CLVS1: variants seen among roughly 807,000 people sequenced by gnomAD.
CLVS1 encodes the protein clavesin-1.
Under a neutral mutation model 33.1 loss-of-function variants are expected in CLVS1, and 10 were observed. The ratio of observed to expected loss-of-function variants is 0.30; its 90% confidence interval spans 0.19 to 0.51. The LOEUF (loss-of-function observed/expected upper bound fraction) is 0.51. CLVS1 is among the 20% of genes least tolerant of loss of function. The pLI is 0.97. For missense variants in CLVS1, 343 were observed against 433.4 expected, an observed-to-expected ratio of 0.79 and a Z score of 1.85; for synonymous variants, 163 against 166.1, an observed-to-expected ratio of 0.98 and a Z score of 0.14.
chr8:61,300,135 T>G lies in CLVS1; in HGVS notation c.308T>G (p.Leu103Arg), dbSNP rs1810375771. The G allele has an allele frequency of 6.2e-7, 1 of 1,613,914 alleles. No homozygotes were observed. Among genetic ancestry groups the G allele is most frequent in the Non-Finnish European group, 8.5e-7 (1 of 1,179,970 alleles). The change falls in exon 2 of 6, where the codon CTA (leucine) becomes CGA (arginine). Residue 103 changes from leucine (L) to arginine (R), a missense_variant. Physicochemically the swap from Leu to Arg is moderately radical, Grantham distance 102. Coordinates refer to ENST00000325897, the MANE Select transcript of CLVS1 (RefSeq NM_173519.3). ...LLAQYFQYRQ[L>R]NLDMFKNFKA... ...GCTCAGTATTTCCAGTACCGCCAGC[T>G]AAACCTGGACATGTTCAAAAACTTC...
chr8:61,268,478 C>T (rs1451883421), intron 2 of CLVS1, among the ~76,000 whole-genome samples: 4 of 151,348 alleles, frequency 2.6e-5, no homozygotes, highest in African/African-American at 7.3e-5. Context: ...AATAAACATA[C>T]GTGTGCATGT....
chr8:61,434,670 C>A lies in CLVS1; in HGVS notation c.631-19471C>A, dbSNP rs183118304. Among the ~76,000 whole-genome samples the A allele has an allele frequency of 8.5e-5, 13 of 152,196 alleles. 1 individual carries two copies. In the East Asian group the frequency reaches 2.5e-3, roughly 29 times the overall value. ...CAGTTGGTTGAGTTTATCTGAAGAG[C>A]TGAGATTAATGGAAAGGAATGCTCA... On this transcript the variant is annotated intron_variant, in intron 3 of 5. Coordinates refer to ENST00000325897, the MANE Select transcript of CLVS1 (RefSeq NM_173519.3).
intron 3 of CLVS1, among the ~76,000 whole-genome samples, chr8:61,439,530 C>T (rs1816465564): frequency 6.6e-6 from 1 of 152,154 alleles, no homozygotes. Flanking sequence ...CTCATCTCAC[C>T]TGGGCAGCAA....
Position 61,456,445 on chromosome 8 carries a change from T to C in CLVS1, c.742-1862T>C, listed in dbSNP as rs575645812. ...AAAATTCAGTCATACTCAAGTGCAATATCAGAAATTTTGATATTTTGATAT... is the reference window on the plus strand; with the variant it reads ...AAAATTCAGTCATACTCAAGTGCAACATCAGAAATTTTGATATTTTGATAT... On this transcript the variant is annotated intron_variant, in intron 4 of 5. Coordinates refer to ENST00000325897, the MANE Select transcript of CLVS1 (RefSeq NM_173519.3). Among the ~76,000 whole-genome samples the C allele has an allele frequency of 2.6e-5, 4 of 152,342 alleles. No homozygotes were observed. In the East Asian group the frequency reaches 7.7e-4, roughly 29 times the overall value.
intron 2 of CLVS1, among the ~76,000 whole-genome samples, chr8:61,262,390 T>C (rs2919314): frequency 0.69 from 104,345 of 151,912 alleles, 38,228 homozygotes; most frequent in East Asian, 0.97. Context: ...ATCAAACGTA[T>C]AGTCCTTCCA....
the CLVS1 span, among the ~76,000 whole-genome samples, chr8:61,034,842 T>C: frequency 6.6e-6 from 1 of 152,092 alleles, no homozygotes. Context: ...ATTACAGGGA[T>C]CCAGAAAATC....
At chr8:61,276,085 A>G (rs1257438515) in intron 2 of CLVS1, among the ~76,000 whole-genome samples, 1 of 152,216 alleles carries the variant, frequency 6.6e-6, no homozygotes, top group Admixed American at 6.5e-5. Flanking sequence ...TCAGAACTGA[A>G]CATCCATTAA....
At chr8:61,301,498 G>T (rs1456743585) in intron 2 of CLVS1, among the ~76,000 whole-genome samples, 1 of 152,134 alleles carries the variant, frequency 6.6e-6, no homozygotes, top group Non-Finnish European at 1.5e-5. Context: ...TACTAATGCA[G>T]TTACAATGGA....
At chr8:61,209,047 A>G (rs1232997373) in intron 2 of CLVS1, among the ~76,000 whole-genome samples, 2 of 152,246 alleles carry the variant, frequency 1.3e-5, no homozygotes, top group African/African-American at 4.8e-5. Flanking sequence ...CACACTGGAA[A>G]GTAAGTCCTT....
rs144480728 is a variant in CLVS1 at position 61,125,030 on chromosome 8, G to A, written c.-242-6740G>A. 5.9e-5 allele frequency among the ~76,000 whole-genome samples: 9 copies of A among 152,224 alleles called. No individual in the cohort carries two copies. The East Asian group carries it at 1.7e-3, about 29-fold the overall frequency. ...TCCTATGGGCTGGGTACTGGGCTGA[G>A]TGCTTGAGAGACATTTCATCCTGTC... is the stretch of plus-strand genomic sequence containing the variant. On this transcript the variant is annotated intron_variant, in intron 1 of 2. Transcript: ENST00000522621.
intron 5 of CLVS1, among the ~76,000 whole-genome samples, chr8:61,482,518 A>G: frequency 6.6e-6 from 1 of 152,040 alleles, no homozygotes; most frequent in Admixed American, 6.6e-5. Flanking sequence ...TAAATGACCT[A>G]ATGGAGCTGA....
intron 2 of CLVS1, among the ~76,000 whole-genome samples, chr8:61,319,251 T>G (rs1811114893): frequency 6.6e-6 from 1 of 152,196 alleles, no homozygotes; most frequent in African/African-American, 2.4e-5. Context: ...CCCTATTACC[T>G]TTCTGTGGCC....
At chr8:61,072,529 C>A (rs940515336) in intron 1 of CLVS1, among the ~76,000 whole-genome samples, 6 of 152,144 alleles carry the variant, frequency 3.9e-5, no homozygotes, top group Non-Finnish European at 8.8e-5. Context: ...CCAAAACAAA[C>A]CTTACTTAAA....
At chr8:61,294,275 A>C (rs899203928) in intron 1 of CLVS1, among the ~76,000 whole-genome samples, 1 of 152,150 alleles carries the variant, frequency 6.6e-6, no homozygotes, top group African/African-American at 2.4e-5. Context: ...TTGTTCTTTC[A>C]GCCATATCTA....
the CLVS1 span, among the ~76,000 whole-genome samples, chr8:61,005,179 G>A: frequency 2.0e-5 from 3 of 152,254 alleles, no homozygotes; most frequent in African/African-American, 7.2e-5. Context: ...AGTAGATTGC[G>A]GATTGATTCA....
intron 2 of CLVS1, among the ~76,000 whole-genome samples, chr8:61,251,742 C>T (rs1015197226): frequency 6.6e-6 from 1 of 152,064 alleles, no homozygotes; most frequent in East Asian, 1.9e-4. Context: ...TTGTATTTCT[C>T]TGGGATCAGT....
At chr8:61,246,052 G>A (rs1410500212) in intron 2 of CLVS1, among the ~76,000 whole-genome samples, 1 of 151,490 alleles carries the variant, frequency 6.6e-6, no homozygotes, top group South Asian at 2.1e-4. Context: ...GATTATAGGT[G>A]TGAGCTACTG....
At chr8:61,319,749 G>A (rs760395144) in intron 2 of CLVS1, among the ~76,000 whole-genome samples, 18 of 152,074 alleles carry the variant, frequency 1.2e-4, no homozygotes, top group Non-Finnish European at 2.5e-4. Context: ...AATGCTTTAT[G>A]GCATTAGCTT....
At chr8:61,482,158 A>G (rs555005120) in intron 5 of CLVS1, among the ~76,000 whole-genome samples, 4 of 152,362 alleles carry the variant, frequency 2.6e-5, no homozygotes, top group Admixed American at 2.6e-4. Flanking sequence ...AAGGAAAACT[A>G]ACAAACAGAA....
Sources: gnomAD v4.1 joint callset for allele counts (sites outside exome capture counted in the v4.1 genomes callset) on GRCh38, gnomAD v4.1.1 for gene constraint, MANE v1.5 for transcripts, NCBI Gene and HGNC (gene_info 2026-07-23, HGNC 2026-07-21) for gene names.